PHF21A: variants seen among roughly 807,000 people sequenced by gnomAD.
PHF21A encodes the protein PHD finger protein 21A.
A neutral mutation model predicts 82.5 loss-of-function variants in PHF21A; 11 were observed. That is an observed-to-expected ratio of 0.13 (90% CI 0.08 to 0.22). The LOEUF is 0.22. Among genes scored for constraint, PHF21A ranks in the 10% least tolerant of loss-of-function variants. PHF21A has a pLI of 1.00. For missense variants in PHF21A, 579 were observed against 837.8 expected (o/e 0.69, Z 3.81); for synonymous variants, 297 against 302.8 (o/e 0.98, Z 0.20).
In PHF21A at chr11:46,018,266, A is replaced by AT. The variant is rs931556297; in HGVS notation, c.154-38301_154-38300insA. 9.2e-5 allele frequency among the ~76,000 whole-genome samples: 14 copies of AT among 151,882 alleles called. No individual in the cohort carries two copies. The Middle Eastern group carries it at 0.014, about 148-fold the overall frequency. On this transcript the variant is annotated intron_variant, in intron 6 of 18. Coordinates refer to ENST00000676320, the MANE Select transcript of PHF21A (RefSeq NM_001352027.3). ...CTCCGTCTCAAAAAAAAAAAAAAAA[A>AT]AATGTGTCCTATGCTTCAAAAGCTT...
At chr11:45,956,415 C>A (rs1251227682) in intron 10 of PHF21A, among the ~76,000 whole-genome samples, 1 of 152,078 alleles carries the variant, frequency 6.6e-6, no homozygotes, top group Admixed American at 6.5e-5. Flanking sequence ...AGGGGCAGAG[C>A]TGTATAGGAG....
At chr11:46,103,737 T>C (rs1182114703) in intron 1 of PHF21A, among the ~76,000 whole-genome samples, 2 of 152,210 alleles carry the variant, frequency 1.3e-5, no homozygotes, top group Non-Finnish European at 2.9e-5. Flanking sequence ...CAAATACATT[T>C]GTTGAATCAC....
At chr11:46,048,547 G>C (rs1304099479) in intron 6 of PHF21A, among the ~76,000 whole-genome samples, 1 of 151,904 alleles carries the variant, frequency 6.6e-6, no homozygotes, top group Non-Finnish European at 1.5e-5. Context: ...AGGCAGGCAG[G>C]TCACCTGAGG....
intron 6 of PHF21A, among the ~76,000 whole-genome samples, chr11:45,985,609 T>C (rs2094464372): frequency 6.6e-6 from 1 of 152,222 alleles, no homozygotes; most frequent in Non-Finnish European, 1.5e-5. Context: ...GCTATAAAAA[T>C]ATACTTAGCT....
At chr11:46,106,741 G>A (rs540572865) in intron 1 of PHF21A, among the ~76,000 whole-genome samples, 2 of 152,294 alleles carry the variant, frequency 1.3e-5, no homozygotes, top group South Asian at 4.1e-4. Context: ...GCTATCCTGC[G>A]TTCTATAAAC....
In PHF21A at chr11:45,932,621, TTTG is replaced by T. The variant is rs1329234659; in HGVS notation, c.*1344_*1346del. On this transcript the variant is annotated 3_prime_UTR_variant, in exon 19 of 19. Coordinates refer to ENST00000676320, the MANE Select transcript of PHF21A (RefSeq NM_001352027.3). The surrounding 1 kb of genome is among the most constrained non-coding windows in gnomAD (Gnocchi z 4.3). ...CTGTTTTTAGGAAACAAATAGCACTTTTGTAATTTTTTTTTACAATGTTTCTTA... is the reference window on the plus strand; with the variant it reads ...CTGTTTTTAGGAAACAAATAGCACTTTAATTTTTTTTTACAATGTTTCTTA... The T allele has an allele frequency of 6.6e-6, 1 of 152,656 alleles. No individual in the cohort carries two copies. The highest frequency in any genetic ancestry group is 1.5e-5 in the Non-Finnish European group (1 of 68,026). The allele number at this position is 152,656 out of a possible 1,614,324, so 9.5% of individuals were successfully genotyped here.
At chr11:46,080,373 G>A (rs963814209) in intron 4 of PHF21A, among the ~76,000 whole-genome samples, 2 of 151,792 alleles carry the variant, frequency 1.3e-5, no homozygotes, top group Non-Finnish European at 2.9e-5. Context: ...TGCCCAGGCT[G>A]GTCTTGAACT....
chr11:46,029,458 C>T (rs546994224), intron 6 of PHF21A, among the ~76,000 whole-genome samples: 5 of 152,112 alleles, frequency 3.3e-5, no homozygotes, highest in Admixed American at 6.6e-5. Flanking sequence ...GAGGCCAAGG[C>T]GGGCAGATCA....
chr11:45,997,605 T>C (rs1318478949), intron 6 of PHF21A, among the ~76,000 whole-genome samples: 3 of 152,216 alleles, frequency 2.0e-5, no homozygotes, highest in Non-Finnish European at 1.5e-5. Context: ...ATAGAATTTC[T>C]TTCACTAAAT....
Position 46,064,776 on chromosome 11 carries a change from C to G in PHF21A, c.153+11978G>C, listed in dbSNP as rs145950672. 4.3e-3 allele frequency among the ~76,000 whole-genome samples: 650 copies of G among 151,938 alleles called. 4 individuals are homozygous for G. Among genetic ancestry groups the G allele is most frequent in the African/African-American group, 0.015 (604 of 41,454 alleles). On this transcript the variant is annotated intron_variant, in intron 6 of 18. Transcript: ENST00000676320. ...TAGTTTATAGACAATTTTTAAATAC[C>G]AAAAAATTAAAAAATAATTTATAAT...
At chr11:45,980,520 T>C (rs1420511885) in intron 6 of PHF21A, among the ~76,000 whole-genome samples, 1 of 152,172 alleles carries the variant, frequency 6.6e-6, no homozygotes, top group East Asian at 1.9e-4. Context: ...TTATTAGAGA[T>C]AGTGTCTCTC....
intron 14 of PHF21A, among the ~76,000 whole-genome samples, chr11:45,948,549 T>C (rs1442277702): frequency 1.3e-5 from 2 of 152,246 alleles, no homozygotes; most frequent in Non-Finnish European, 2.9e-5. Context: ...TGCTCTGTTC[T>C]GCTTAATGAC....
chr11:46,007,003 TCA>T (rs2095310530), intron 6 of PHF21A, among the ~76,000 whole-genome samples: 1 of 152,224 alleles, frequency 6.6e-6, no homozygotes, highest in Non-Finnish European at 1.5e-5. Flanking sequence ...GCCACACACT[TCA>T]CAGTTTTAAT....
chr11:46,024,593 A>C (rs1212083495), intron 6 of PHF21A, among the ~76,000 whole-genome samples: 1 of 152,096 alleles, frequency 6.6e-6, no homozygotes, highest in Non-Finnish European at 1.5e-5. Flanking sequence ...TGAGGTCAGG[A>C]GTTCAAGACC....
At chr11:46,064,698 A>T (rs1365478754) in intron 6 of PHF21A, among the ~76,000 whole-genome samples, 3 of 152,232 alleles carry the variant, frequency 2.0e-5, no homozygotes, top group Non-Finnish European at 4.4e-5. Flanking sequence ...CATATTCAAC[A>T]TTTTAAAAAG....
chr11:46,119,213 G>C (rs1310455548), intron 1 of PHF21A, among the ~76,000 whole-genome samples: 1 of 151,670 alleles, frequency 6.6e-6, no homozygotes, highest in Admixed American at 6.6e-5. Context: ...TTCCCAGCTC[G>C]AGCATCTACA....
intron 6 of PHF21A, among the ~76,000 whole-genome samples, chr11:46,013,019 C>T (rs2095441054): frequency 6.6e-6 from 1 of 152,156 alleles, no homozygotes; most frequent in African/African-American, 2.4e-5. Context: ...CTTGAAACTG[C>T]AGATAGTACT....
At chr11:45,999,567 G>A (rs1481072258) in intron 6 of PHF21A, among the ~76,000 whole-genome samples, 1 of 152,058 alleles carries the variant, frequency 6.6e-6, no homozygotes, top group African/African-American at 2.4e-5. Context: ...TTTTGAGAAG[G>A]GAAATTTAAA....
intron 6 of PHF21A, chr11:46,049,583 G>A (rs965892155): frequency 2.6e-5 from 11 of 427,102 alleles, no homozygotes; most frequent in South Asian, 1.7e-4. Context: ...ATAGGAGAAA[G>A]GAGAAGCATA....
Sources: gnomAD v4.1 joint callset for allele counts (sites outside exome capture counted in the v4.1 genomes callset) on GRCh38, gnomAD v4.1.1 for gene constraint, Gnocchi (gnomAD v3.1) non-coding constraint, MANE v1.5 for transcripts, NCBI Gene and HGNC (gene_info 2026-07-23, HGNC 2026-07-21) for gene names.